BRINP3: variants seen among roughly 807,000 people sequenced by gnomAD.
BRINP3 encodes the protein BMP/retinoic acid-inducible neural-specific protein 3.
A neutral mutation model predicts 71.0 loss-of-function variants in BRINP3; 19 were observed. The observed-to-expected ratio is 0.27, with a 90% CI of 0.19 to 0.39. BRINP3 has a LOEUF of 0.39. BRINP3 is among the 10% of genes least tolerant of loss of function. The pLI is 1.00. For missense variants in BRINP3, 959 were observed against 940.8 expected (o/e 1.02, Z -0.25); for synonymous variants, 380 against 337.7 (o/e 1.13, Z -1.37).
chr1:190,215,590 T>C (rs1656344565), intron 6 of BRINP3, among the ~76,000 whole-genome samples: 1 of 151,958 alleles, frequency 6.6e-6, no homozygotes, highest in Admixed American at 6.6e-5. Flanking sequence ...CAAAACAGTT[T>C]GTAAATCTAG....
At chr1:190,389,402 G>T (rs774547991) in intron 2 of BRINP3, among the ~76,000 whole-genome samples, 1 of 151,670 alleles carries the variant, frequency 6.6e-6, no homozygotes, top group Admixed American at 6.6e-5. Flanking sequence ...TAAAACAAAA[G>T]AATACTTTCC....
At position 190,277,113 on chromosome 1, in the gene BRINP3, A is replaced by ATATATATATATATT. The variant is rs746851050; in HGVS notation, c.427+4446_427+4447insAATATATATATATA. ...TATATATATATATATATATATATAT[A>ATATATATATATATT]TATATTTATATTCAGAAAAGAAAAC... On this transcript the variant is annotated intron_variant, in intron 3 of 7. Coordinates refer to ENST00000367462, the MANE Select transcript of BRINP3 (RefSeq NM_199051.3). 1.3e-3 allele frequency among the ~76,000 whole-genome samples: 142 copies of ATATATATATATATT among 107,468 alleles called. 1 individual carries two copies. The highest frequency in any genetic ancestry group is 3.5e-3 in the African/African-American group (102 of 29,442). The allele number at this position is 107,468 out of a possible 152,430, so 70.5% of individuals were successfully genotyped here. A position where few individuals can be genotyped will look rare whatever the true frequency, so the allele number is the denominator to read the frequency against.
chr1:190,122,245 T>C (rs916069597), intron 7 of BRINP3, among the ~76,000 whole-genome samples: 2 of 152,152 alleles, frequency 1.3e-5, no homozygotes, highest in African/African-American at 4.8e-5. Flanking sequence ...TATTGATGCA[T>C]TCACACACTC....
At chr1:190,235,017 G>T (rs1307461635) in intron 4 of BRINP3, among the ~76,000 whole-genome samples, 1 of 152,014 alleles carries the variant, frequency 6.6e-6, no homozygotes, top group Non-Finnish European at 1.5e-5. Flanking sequence ...TGTTCAGTTT[G>T]ACATTCATTC....
At chr1:190,456,418 T>C (rs1270888855) in intron 1 of BRINP3, among the ~76,000 whole-genome samples, 5 of 152,154 alleles carry the variant, frequency 3.3e-5, no homozygotes, top group African/African-American at 9.7e-5. Context: ...GTGAAGACAT[T>C]TTAAAAATGA....
intron 2 of BRINP3, among the ~76,000 whole-genome samples, chr1:190,294,920 A>G (rs1337969102): frequency 6.6e-6 from 1 of 151,926 alleles, no homozygotes; most frequent in East Asian, 2.0e-4. Flanking sequence ...GACATGGGAC[A>G]GTTCCCTGGG....
rs564249547 is a variant in BRINP3 at position 190,385,776 on chromosome 1, G to T, written c.236+68879C>A. Among the ~76,000 whole-genome samples, 3 of 151,964 alleles carry T rather than the reference G, an allele frequency of 2.0e-5. No individual in the cohort carries two copies. In the East Asian group the frequency reaches 5.8e-4, roughly 30 times the overall value. Reference sequence around the variant, plus strand: ...AAATCATGCTGGTATAAAGACACATGCACACATATGTTTATTGTGGCATTA... The same window carrying T: ...AAATCATGCTGGTATAAAGACACATTCACACATATGTTTATTGTGGCATTA... On this transcript the variant is annotated intron_variant, in intron 2 of 7. Coordinates refer to ENST00000367462, the MANE Select transcript of BRINP3 (RefSeq NM_199051.3).
chr1:190,177,150 CTTTTTTTTTTTT>C (rs1030190199), intron 6 of BRINP3, among the ~76,000 whole-genome samples: 19 of 63,214 alleles, frequency 3.0e-4, no homozygotes, highest in Non-Finnish European at 4.3e-4. Flanking sequence ...GCACCCACTT[CTTTTTTTTTTTT>C]TTTTTTTTTT....
rs893671687 is a variant in BRINP3, at chr1:190,132,208, C to A, written c.1184+28460G>T. ...TATCATACTCTTCTGCCTATAGCCT[C>A]CTATAGATGGGTAATTTACCTAGAA... is the stretch of plus-strand genomic sequence containing the variant. On this transcript the variant is annotated intron_variant, in intron 7 of 7. Coordinates refer to ENST00000367462, the MANE Select transcript of BRINP3 (RefSeq NM_199051.3). Among the ~76,000 whole-genome samples, 8 of 152,032 alleles carry A rather than the reference C, an allele frequency of 5.3e-5. No homozygotes were observed. The South Asian group carries it at 1.2e-3, about 24-fold the overall frequency.
chr1:190,311,076 T>C (rs886087872), intron 2 of BRINP3, among the ~76,000 whole-genome samples: 2 of 151,774 alleles, frequency 1.3e-5, no homozygotes, highest in African/African-American at 4.8e-5. Flanking sequence ...TTTTAAATTA[T>C]GTTGTACTTT....
chr1:190,389,673 A>G (rs1671129001), intron 2 of BRINP3, among the ~76,000 whole-genome samples: 1 of 151,784 alleles, frequency 6.6e-6, no homozygotes, highest in Admixed American at 6.6e-5. Context: ...CATTTGGCAC[A>G]TTTAATAATT....
chr1:190,339,143 CCT>C (rs1667488302), intron 2 of BRINP3, among the ~76,000 whole-genome samples: 1 of 151,824 alleles, frequency 6.6e-6, no homozygotes, highest in Non-Finnish European at 1.5e-5. Flanking sequence ...TTTGCCTTAC[CCT>C]CTCTAGGACA....
intron 3 of BRINP3, among the ~76,000 whole-genome samples, chr1:190,272,889 T>C (rs757821207): frequency 2.0e-5 from 3 of 151,460 alleles, no homozygotes; most frequent in African/African-American, 7.3e-5. Context: ...ATATCCTGTT[T>C]AAAACCCTTA....
chr1:190,369,002 T>C (rs576767121), intron 2 of BRINP3, among the ~76,000 whole-genome samples: 55 of 152,230 alleles, frequency 3.6e-4, no homozygotes, highest in African/African-American at 1.2e-3. Context: ...CTGTGAGAAA[T>C]AGCAGCCCAG....
chr1:190,477,127 G>A (rs1677552008), intron 1 of BRINP3, among the ~76,000 whole-genome samples: 1 of 152,102 alleles, frequency 6.6e-6, no homozygotes, highest in Admixed American at 6.5e-5. Context: ...AAATGGCACA[G>A]GAATGTGTGC....
intron 7 of BRINP3, among the ~76,000 whole-genome samples, chr1:190,107,268 G>A (rs1412096405): frequency 2.6e-5 from 4 of 151,630 alleles, no homozygotes; most frequent in Non-Finnish European, 5.9e-5. Flanking sequence ...TTTCTTCGAA[G>A]CCTTTACATT....
chr1:190,317,174 A>T (rs1413067983), intron 2 of BRINP3, among the ~76,000 whole-genome samples: 1 of 30,842 alleles, frequency 3.2e-5, no homozygotes, highest in East Asian at 1.3e-3. Context: ...TCCATCTCAA[A>T]AAAAAAAAAA....
chr1:190,415,073 C>T (rs1294961148), intron 2 of BRINP3, among the ~76,000 whole-genome samples: 1 of 152,136 alleles, frequency 6.6e-6, no homozygotes, highest in East Asian at 1.9e-4. Flanking sequence ...ATTGGACCTA[C>T]ATGTAAAACT....
intron 7 of BRINP3, among the ~76,000 whole-genome samples, chr1:190,112,083 G>A (rs16832038): frequency 6.6e-6 from 1 of 151,910 alleles, no homozygotes; most frequent in African/African-American, 2.4e-5. Flanking sequence ...TTGACCAAAC[G>A]GACAGGTGAT....
Sources: gnomAD v4.1 joint callset for allele counts (sites outside exome capture counted in the v4.1 genomes callset) on GRCh38, gnomAD v4.1.1 for gene constraint, MANE v1.5 for transcripts, NCBI Gene and HGNC (gene_info 2026-07-23, HGNC 2026-07-21) for gene names.